The following XNDC1N variants were observed in gnomAD, a reference collection of about 807,000 sequenced individuals.
XNDC1N encodes XRCC1 N-terminal domain containing 1, N-terminal like, also known as protein XNDC1N.
the XNDC1N span, among the ~76,000 whole-genome samples, chr11:71,868,220 C>T: frequency 6.6e-6 from 1 of 152,186 alleles, no homozygotes; most frequent in Non-Finnish European, 1.5e-5. Context: ...ACAGTTGGGG[C>T]TTGCTTCTTT....
At chr11:71,905,439 T>C in the XNDC1N span, among the ~76,000 whole-genome samples, 1 of 151,656 alleles carries the variant, frequency 6.6e-6, no homozygotes, top group African/African-American at 2.4e-5. Context: ...AATATTACAA[T>C]AATATAACAG....
At chr11:71,916,898 T>G in the XNDC1N span, 1 of 156,224 alleles carries the variant, frequency 6.4e-6, no homozygotes, top group African/African-American at 2.4e-5. Context: ...GAGATTTGTA[T>G]AAATTCAGTA....
chr11:71,897,100 C>G, the XNDC1N span, among the ~76,000 whole-genome samples: 3 of 152,166 alleles, frequency 2.0e-5, no homozygotes, highest in African/African-American at 7.2e-5. Flanking sequence ...AGAGACCTCA[C>G]CCCAAGCGCT....
At chr11:71,897,906 G>C in the XNDC1N span, among the ~76,000 whole-genome samples, 12 of 152,318 alleles carry the variant, frequency 7.9e-5, no homozygotes, top group South Asian at 2.3e-3. Context: ...ACTTCTGGCC[G>C]GTGCGGTGGC....
chr11:71,870,532 G>T, the XNDC1N span, among the ~76,000 whole-genome samples: 2 of 152,058 alleles, frequency 1.3e-5, no homozygotes, highest in African/African-American at 4.8e-5. Flanking sequence ...AGCAAAAATA[G>T]ACAAATTTCA....
At chr11:71,887,500 G>A in the XNDC1N span, among the ~76,000 whole-genome samples, 12 of 152,044 alleles carry the variant, frequency 7.9e-5, no homozygotes, top group African/African-American at 2.7e-4. Flanking sequence ...GCCAGGCCAA[G>A]AGAGAAGACC....
At chr11:71,896,329 T>G in the XNDC1N span, among the ~76,000 whole-genome samples, 1 of 152,314 alleles carries the variant, frequency 6.6e-6, no homozygotes, top group African/African-American at 2.4e-5. Flanking sequence ...TAAAGATGGT[T>G]AGCAGACGCT....
chr11:71,925,409 A>G, the XNDC1N span, among the ~76,000 whole-genome samples: 1 of 152,198 alleles, frequency 6.6e-6, no homozygotes, highest in Non-Finnish European at 1.5e-5. Flanking sequence ...CAATAGCAGT[A>G]ACAAGCTCTT....
chr11:71,869,820 T>C, the XNDC1N span, among the ~76,000 whole-genome samples: 5 of 152,216 alleles, frequency 3.3e-5, no homozygotes, highest in African/African-American at 1.2e-4. Context: ...CTCTGGCTTT[T>C]TGAGTTGCCA....
the XNDC1N span, among the ~76,000 whole-genome samples, chr11:71,921,954 C>T: frequency 2.6e-5 from 4 of 152,052 alleles, no homozygotes; most frequent in Non-Finnish European, 2.9e-5. Context: ...GAGGTCAGGA[C>T]TTTGAGACCA....
the XNDC1N span, chr11:71,903,258 T>A: frequency 8.7e-7 from 1 of 1,149,966 alleles, no homozygotes; most frequent in Non-Finnish European, 1.3e-6. Flanking sequence ...GATCCAGAAC[T>A]GCAGCCGGTC....
the XNDC1N span, among the ~76,000 whole-genome samples, chr11:71,874,572 T>A: frequency 4.6e-5 from 7 of 152,156 alleles, no homozygotes; most frequent in Admixed American, 3.9e-4. Context: ...TTATTAGACA[T>A]CCAAAAGTAG....
chr11:71,916,510 A>C, the XNDC1N span: 1 of 441,214 alleles, frequency 2.3e-6, no homozygotes, highest in Non-Finnish European at 4.1e-6. Context: ...TATTCTCAGC[A>C]TGAATTCTAT....
At chr11:71,911,554 G>A in the XNDC1N span, among the ~76,000 whole-genome samples, 1 of 152,120 alleles carries the variant, frequency 6.6e-6, no homozygotes, top group Admixed American at 6.5e-5. Flanking sequence ...GGCCACTTCA[G>A]GCCAGAAAGC....
At chr11:71,889,097 C>T in the XNDC1N span, among the ~76,000 whole-genome samples, 1 of 152,188 alleles carries the variant, frequency 6.6e-6, no homozygotes, top group Non-Finnish European at 1.5e-5. Flanking sequence ...GCCACTTCAG[C>T]CTAGAAAGCT....
chr11:71,865,699 G>A, the XNDC1N span: 1 of 289,756 alleles, frequency 3.5e-6, no homozygotes, highest in South Asian at 3.3e-5. Flanking sequence ...AAGAAGTTCA[G>A]GGACAGACAA....
chr11:71,905,690 A>G, the XNDC1N span, among the ~76,000 whole-genome samples: 1 of 152,000 alleles, frequency 6.6e-6, no homozygotes, highest in Non-Finnish European at 1.5e-5. Context: ...ATATCTCCCT[A>G]TGATATTATG....
the XNDC1N span, among the ~76,000 whole-genome samples, chr11:71,900,438 A>C: frequency 1.3e-5 from 2 of 152,104 alleles, no homozygotes; most frequent in Non-Finnish European, 2.9e-5. Context: ...CCTCAGGACA[A>C]ACAGGAGAGT....
chr11:71,925,834 C>T, the XNDC1N span: 2 of 151,504 alleles, frequency 1.3e-5, no homozygotes, highest in Admixed American at 1.3e-4. Context: ...GAGCCGAGAT[C>T]ACGCCACTGC....
Sources: allele counts gnomAD v4.1 joint callset (sites outside exome capture counted in the v4.1 genomes callset), GRCh38; gene constraint gnomAD v4.1.1; transcripts MANE v1.5; gene names NCBI Gene and HGNC (gene_info 2026-07-23, HGNC 2026-07-21).